Variants in PIK3R3 observed in about 807,000 individuals in gnomAD.
PIK3R3 encodes the protein phosphoinositide-3-kinase regulatory subunit 3.
In PIK3R3, 64 loss-of-function variants were observed where a neutral mutation model predicts 62.9. The ratio of observed to expected loss-of-function variants is 1.02; its 90% CI spans 0.83 to 1.25. PIK3R3 has a LOEUF of 1.25. PIK3R3 is among the 50% of genes most tolerant of loss of function. The pLI, the probability that PIK3R3 is intolerant of heterozygous loss-of-function variation, is 0.00. For missense variants in PIK3R3, 614 were observed against 561.6 expected, an observed-to-expected ratio of 1.09 and a Z score of -0.94; for synonymous variants, 165 against 189.0, an observed-to-expected ratio of 0.87 and a Z score of 1.04.
rs1432548838 is a variant in PIK3R3 at position 46,042,152 on chromosome 1, G to A, written c.*1521C>T. On this transcript the variant is annotated 3_prime_UTR_variant, in exon 10 of 10. Coordinates refer to ENST00000262741, the MANE Select transcript of PIK3R3 (RefSeq NM_003629.4). This position sits in a 1 kb window ranked among gnomAD's most constrained non-coding sequence, Gnocchi z 4.3. The stretch of plus-strand genomic sequence containing the variant: ...GGCAGCTGGACTCTATTTGTCAAAT[G>A]AGTGTTGACTGATGGGTGTGGGGCA... The A allele has an allele frequency of 9.1e-6, 2 of 220,734 alleles. No homozygotes were observed. Among genetic ancestry groups the A allele is most frequent in the African/African-American group, 2.2e-5 (1 of 44,624 alleles). The allele number at this position is 220,734 out of a possible 1,614,324, so 13.7% of individuals were successfully genotyped here. A position where few individuals can be genotyped will look rare whatever the true frequency, so the allele number is the denominator to read the frequency against.
Position 46,090,201 on chromosome 1 carries a change from A to C in PIK3R3, c.107-9451T>G, listed in dbSNP as rs117171878. On this transcript the variant is annotated intron_variant, in intron 1 of 9. Coordinates refer to ENST00000262741, the MANE Select transcript of PIK3R3 (RefSeq NM_003629.4). ...TAAACTAGATTTGGTAAATTATCTC[A>C]CCTCTCTGAACCTTAAGTTTCATGC... is the stretch of plus-strand genomic sequence containing the variant. 3.0e-3 allele frequency among the ~76,000 whole-genome samples: 451 copies of C among 152,240 alleles called. 3 individuals carry two copies. Among genetic ancestry groups the C allele is most frequent in the East Asian group, 0.021 (109 of 5,190 alleles).
At position 46,055,988 on chromosome 1, in the gene PIK3R3, C is replaced by T; in HGVS notation, c.765-17G>A. On this transcript the variant is annotated splice_polypyrimidine_tract_variant and intron_variant, in intron 6 of 9. Transcript: ENST00000262741. ...ATCATAATTCTGTAAAAATATTTGACATGTTAAGGCTAAAATAGAAATCAA... is the reference window on the plus strand; with the variant it reads ...ATCATAATTCTGTAAAAATATTTGATATGTTAAGGCTAAAATAGAAATCAA... 1 of 1,530,842 alleles carries T rather than the reference C, an allele frequency of 6.5e-7. No homozygotes were observed. Among genetic ancestry groups the T allele is most frequent in the Non-Finnish European group, 8.9e-7 (1 of 1,124,504 alleles). 94.8% of individuals were successfully genotyped at this position (1,530,842 alleles called of 1,614,324 possible). A position where few individuals can be genotyped will look rare whatever the true frequency, so the allele number is the denominator to read the frequency against.
At chr1:46,146,669 C>G in the PIK3R3 span, among the ~76,000 whole-genome samples, 3 of 141,778 alleles carry the variant, frequency 2.1e-5, no homozygotes, top group East Asian at 2.2e-4. Context: ...AGGGACAGCC[C>G]CCCTCCCCTC....
chr1:46,138,998 T>C, the PIK3R3 span: 2 of 152,256 alleles, frequency 1.3e-5, no homozygotes, highest in Non-Finnish European at 2.9e-5. Flanking sequence ...TGTGAAATTC[T>C]AAATTATGTC....
rs1167288624 is a variant in PIK3R3, at chr1:46,040,327, AACT to A, written c.*3343_*3345del. 3.5e-5 allele frequency: 8 copies of A among 231,702 alleles called. No individual in the cohort carries two copies. Among genetic ancestry groups the A allele is most frequent in the Non-Finnish European group, 6.8e-5 (8 of 116,874 alleles). 14.4% of individuals were successfully genotyped at this position (231,702 alleles called of 1,614,324 possible). Reference sequence around the variant, plus strand: ...AGAACAATTTGTAAAGTGGTCTAGCAACTACATTATGAACTGTCCCATCACAAG... The same window carrying A: ...AGAACAATTTGTAAAGTGGTCTAGCAACATTATGAACTGTCCCATCACAAG... On this transcript the variant is annotated 3_prime_UTR_variant, in exon 10 of 10. Transcript: ENST00000262741.
chr1:46,155,528 C>G, the PIK3R3 span, among the ~76,000 whole-genome samples: 1 of 151,798 alleles, frequency 6.6e-6, no homozygotes, highest in Non-Finnish European at 1.5e-5. Flanking sequence ...CTCAATGCAG[C>G]CTCAATCTAC....
intron 3 of PIK3R3, among the ~76,000 whole-genome samples, chr1:46,072,410 A>G (rs1286796001): frequency 6.6e-6 from 1 of 152,238 alleles, no homozygotes; most frequent in East Asian, 1.9e-4. Context: ...TCTTTCTCTC[A>G]TTAATTCTTT....
chr1:46,125,910 G>A (rs372418947), intron 1 of PIK3R3, among the ~76,000 whole-genome samples: 12 of 151,964 alleles, frequency 7.9e-5, no homozygotes, highest in African/African-American at 2.4e-4. Context: ...ACAGGCGCCC[G>A]CCACCACACC....
At chr1:46,148,603 G>C in the PIK3R3 span, among the ~76,000 whole-genome samples, 1 of 152,124 alleles carries the variant, frequency 6.6e-6, no homozygotes, top group African/African-American at 2.4e-5. Context: ...GCCACCCTTG[G>C]AAGCAGAGTG....
At chr1:46,121,522 C>A (rs773058412) in intron 1 of PIK3R3, among the ~76,000 whole-genome samples, 1 of 152,010 alleles carries the variant, frequency 6.6e-6, no homozygotes. Flanking sequence ...GGGTTGGGCA[C>A]GGTGGCTCAC....
intron 1 of PIK3R3, among the ~76,000 whole-genome samples, chr1:46,096,910 T>G (rs1051931430): frequency 6.8e-6 from 1 of 146,350 alleles, no homozygotes; most frequent in African/African-American, 2.5e-5. Context: ...TAAGATCAGA[T>G]AAGTATTCAG....
At chr1:46,071,759 A>AGAGC (rs777668187) in intron 3 of PIK3R3, among the ~76,000 whole-genome samples, 37 of 100,084 alleles carry the variant, frequency 3.7e-4, no homozygotes, top group Non-Finnish European at 5.5e-4. Context: ...AGAGAGAGAG[A>AGAGC]GCGCGCGCCT....
At chr1:46,108,343 T>C (rs785484) in intron 1 of PIK3R3, among the ~76,000 whole-genome samples, 108,816 of 152,064 alleles carry the variant, frequency 0.72, 39,073 homozygotes, top group African/African-American at 0.75. Flanking sequence ...CCACACTAGC[T>C]AGTAAATCTC....
chr1:46,100,804 T>C (rs1285338082), intron 1 of PIK3R3, among the ~76,000 whole-genome samples: 1 of 152,166 alleles, frequency 6.6e-6, no homozygotes, highest in Non-Finnish European at 1.5e-5. Flanking sequence ...ACATAAAAAG[T>C]CATGTGCATC....
At chr1:46,074,150 C>T (rs1245221717) in intron 3 of PIK3R3, among the ~76,000 whole-genome samples, 3 of 150,420 alleles carry the variant, frequency 2.0e-5, no homozygotes, top group South Asian at 2.1e-4. Flanking sequence ...ATTAGCTGGG[C>T]GTGGTGGCGG....
In PIK3R3 at chr1:46,066,120, G is replaced by A; in HGVS notation, c.555C>T (p.His185=). The A allele has an allele frequency of 1.3e-6, 2 of 1,597,844 alleles. No homozygotes were observed. Among genetic ancestry groups the A allele is most frequent in the African/African-American group, 2.7e-5 (2 of 74,714 alleles). The change falls in exon 5 of 10, where the codon CAC becomes CAT. Residue 185 remains histidine, a synonymous_variant. Transcript: ENST00000262741. ...DAVGKKLQEY[H]SQYQEKSKEY... ...CTTTACTCTTCTCCTGATACTGAGAGTGGTATTCTTGCAGTTTTTTACCTA... is the reference window on the plus strand; with the variant it reads ...CTTTACTCTTCTCCTGATACTGAGAATGGTATTCTTGCAGTTTTTTACCTA...
At chr1:46,045,097 T>C (rs547573015) in intron 9 of PIK3R3, among the ~76,000 whole-genome samples, 150 of 152,354 alleles carry the variant, frequency 9.8e-4, no homozygotes, top group Middle Eastern at 3.4e-3. Flanking sequence ...CCCTGCACTG[T>C]TAAAAGCATA....
At chr1:46,170,356 C>T in the PIK3R3 span, among the ~76,000 whole-genome samples, 1 of 152,164 alleles carries the variant, frequency 6.6e-6, no homozygotes, top group East Asian at 1.9e-4. Flanking sequence ...TGCCCCTCAT[C>T]TTCAGGAACC....
At chr1:46,158,742 T>C in the PIK3R3 span, among the ~76,000 whole-genome samples, 4 of 152,254 alleles carry the variant, frequency 2.6e-5, no homozygotes, top group South Asian at 6.2e-4. Context: ...TCACAAATCA[T>C]TATCAAAAAA....
Sources: gnomAD v4.1 joint callset for allele counts (sites outside exome capture counted in the v4.1 genomes callset) on GRCh38, gnomAD v4.1.1 for gene constraint, Gnocchi (gnomAD v3.1) non-coding constraint, MANE v1.5 for transcripts, NCBI Gene and HGNC (gene_info 2026-07-23, HGNC 2026-07-21) for gene names.